The following HFM1 variants were observed in gnomAD, a reference collection of about 807,000 sequenced individuals.
HFM1 encodes probable ATP-dependent DNA helicase HFM1.
A neutral mutation model predicts 192.1 loss-of-function variants in HFM1; 169 were observed. The ratio of observed to expected loss-of-function variants is 0.88; its 90% confidence interval spans 0.78 to 1.00. The LOEUF is 1.00. Among genes scored for constraint, HFM1 ranks in the 50% least tolerant of loss-of-function variants. HFM1 has a pLI of 0.00. For missense variants in HFM1, 1,661 were observed against 1,668.0 expected (o/e 1.00, Z 0.07); for synonymous variants, 525 against 537.8 (o/e 0.98, Z 0.33).
chr1:91,392,885 C>T (rs1368118780), intron 4 of HFM1, among the ~76,000 whole-genome samples: 1 of 151,796 alleles, frequency 6.6e-6, no homozygotes, highest in Non-Finnish European at 1.5e-5. Context: ...ATGATAGAGA[C>T]AGAAAGTAGA....
chr1:91,320,974 T>C (rs1234641091), intron 23 of HFM1, among the ~76,000 whole-genome samples: 1 of 152,188 alleles, frequency 6.6e-6, no homozygotes, highest in Non-Finnish European at 1.5e-5. Context: ...ACAAACAGTT[T>C]ATTCTTGTGT....
chr1:91,351,402 C>T lies in HFM1; in HGVS notation c.2072+147G>A. The T allele has an allele frequency of 5.8e-6, 3 of 515,870 alleles. No homozygotes were observed. The South Asian group carries it at 8.0e-5, about 14-fold the overall frequency. 32.0% of individuals were successfully genotyped at this position (515,870 alleles called of 1,614,324 possible). On this transcript the variant is annotated intron_variant, in intron 17 of 38. Transcript: ENST00000370425. ...AAAATTATTAAATTCCCTAAAATGA[C>T]ACAAACTTTCTAGTTAAATAGTTGA... is the stretch of plus-strand genomic sequence containing the variant.
intron 19 of HFM1, among the ~76,000 whole-genome samples, chr1:91,346,846 G>T (rs1187000018): frequency 1.3e-5 from 2 of 152,066 alleles, no homozygotes; most frequent in African/African-American, 4.8e-5. Flanking sequence ...ATACATGTTG[G>T]GCATGGTCGC....
chr1:91,330,072 T>C (rs1286452543), intron 20 of HFM1, among the ~76,000 whole-genome samples: 1 of 152,164 alleles, frequency 6.6e-6, no homozygotes, highest in Non-Finnish European at 1.5e-5. Context: ...GATTGCTGGC[T>C]GTGTCTTGGG....
intron 13 of HFM1, among the ~76,000 whole-genome samples, chr1:91,370,806 T>C (rs1660080949): frequency 6.6e-6 from 1 of 152,204 alleles, no homozygotes; most frequent in South Asian, 2.1e-4. Context: ...AAATTGTCCC[T>C]GTTTGCAGAA....
At chr1:91,321,997 A>G (rs542623809) in intron 23 of HFM1, among the ~76,000 whole-genome samples, 73 of 152,358 alleles carry the variant, frequency 4.8e-4, no homozygotes, top group African/African-American at 1.7e-3. Flanking sequence ...TGGCGAAGTC[A>G]TAACTTATCT....
intron 13 of HFM1, among the ~76,000 whole-genome samples, chr1:91,369,854 AAAG>A (rs1220065614): frequency 1.3e-5 from 2 of 152,204 alleles, no homozygotes; most frequent in African/African-American, 4.8e-5. Flanking sequence ...CAAGACTAAT[AAAG>A]AAGAAAAGAG....
intron 30 of HFM1, among the ~76,000 whole-genome samples, chr1:91,277,541 T>C (rs1044052385): frequency 3.6e-5 from 5 of 138,282 alleles, no homozygotes; most frequent in African/African-American, 1.3e-4. Flanking sequence ...ACTTTATATA[T>C]ATATAATATA....
intron 30 of HFM1, among the ~76,000 whole-genome samples, chr1:91,306,321 A>C (rs1467185581): frequency 6.6e-6 from 1 of 152,208 alleles, no homozygotes; most frequent in East Asian, 1.9e-4. Flanking sequence ...AACAAGGGTG[A>C]AACTCTGTCT....
intron 38 of HFM1, 153 bp downstream of exon 38, chr1:91,262,088 C>A (rs2100653733): frequency 2.3e-6 from 1 of 430,862 alleles, no homozygotes; most frequent in East Asian, 3.6e-5. Context: ...TCTTAAAGAG[C>A]TTAGCTCACT....
intron 19 of HFM1, among the ~76,000 whole-genome samples, chr1:91,343,761 A>T (rs925218746): frequency 9.9e-5 from 15 of 152,174 alleles, no homozygotes; most frequent in African/African-American, 3.6e-4. Context: ...TAACACTTAA[A>T]ACTTGGAGTA....
chr1:91,289,731 C>T (rs928782778), intron 30 of HFM1, among the ~76,000 whole-genome samples: 9 of 152,116 alleles, frequency 5.9e-5, no homozygotes, highest in Non-Finnish European at 7.4e-5. Flanking sequence ...CGTGGCGGCG[C>T]GCGCCTGCAT....
chr1:91,389,132 G>GTTTTTTTTTTTTT (rs34874992), intron 4 of HFM1, among the ~76,000 whole-genome samples: 1 of 82,522 alleles, frequency 1.2e-5, no homozygotes, highest in Non-Finnish European at 2.2e-5. Flanking sequence ...TTTTTGTTGG[G>GTTTTTTTTTTTTT]TTTTTTTTTT....
At chr1:91,336,748 T>C (rs1320899232) in intron 20 of HFM1, among the ~76,000 whole-genome samples, 1 of 152,186 alleles carries the variant, frequency 6.6e-6, no homozygotes, top group East Asian at 1.9e-4. Context: ...CCCAAAGGAA[T>C]ACAAATCATT....
chr1:91,385,581 T>A lies in HFM1; in HGVS notation c.748A>T (p.Ile250Phe). 1 of 1,610,008 alleles carries A rather than the reference T, an allele frequency of 6.2e-7. No homozygotes were observed. Among genetic ancestry groups the A allele is most frequent in the South Asian group, 1.1e-5 (1 of 90,854 alleles). Residue 250 changes from isoleucine (I) to phenylalanine (F), a missense_variant, in exon 5 of 39, where the codon ATT becomes TTT. Coordinates refer to ENST00000370425, the MANE Select transcript of HFM1 (RefSeq NM_001017975.6). Reference protein sequence around the residue: ...SFSVAFQPHDIQEVTENGLGS... With the variant: ...SFSVAFQPHDFQEVTENGLGS... ...TGAAAAAGCAAGAAATTACCTTGAA[T>A]ATCATGAGGTTGGAAAGCAACTGAA...
rs1662039685 is a variant in HFM1 at position 91,385,179 on chromosome 1, A to C, written c.802+8T>G. ...CAAAGCAGCTATTGTAAATAACTTA[A>C]AGGATACGAATTTCTGTGACAGCCT... On this transcript the variant is annotated splice_region_variant and intron_variant, in intron 6 of 38. Transcript: ENST00000370425. The C allele has an allele frequency of 2.0e-6, 3 of 1,491,078 alleles. No individual in the cohort carries two copies. Among genetic ancestry groups the C allele is most frequent in the Non-Finnish European group, 2.8e-6 (3 of 1,076,082 alleles). 92.4% of individuals were successfully genotyped at this position (1,491,078 alleles called of 1,614,324 possible).
intron 13 of HFM1, among the ~76,000 whole-genome samples, chr1:91,357,715 C>A (rs761442633): frequency 1.4e-4 from 22 of 152,056 alleles, no homozygotes; most frequent in Admixed American, 3.3e-4. Context: ...CTCAAAGATT[C>A]ATTAAAAAAC....
chr1:91,301,214 T>C (rs906668597), intron 30 of HFM1, among the ~76,000 whole-genome samples: 1 of 151,174 alleles, frequency 6.6e-6, no homozygotes, highest in Non-Finnish European at 1.5e-5. Context: ...TACCTAGGAA[T>C]CCAACTTACA....
At chr1:91,340,307 G>A (rs1023641100) in intron 20 of HFM1, among the ~76,000 whole-genome samples, 2 of 152,286 alleles carry the variant, frequency 1.3e-5, no homozygotes, top group African/African-American at 2.4e-5. Context: ...ACTGTGCCCA[G>A]CCTTGGCATT....
Sources: allele counts gnomAD v4.1 joint callset (sites outside exome capture counted in the v4.1 genomes callset), GRCh38; gene constraint gnomAD v4.1.1; transcripts MANE v1.5; gene names NCBI Gene and HGNC (gene_info 2026-07-23, HGNC 2026-07-21).